Variants in AIF1L observed in about 807,000 individuals in gnomAD.
The protein encoded by AIF1L is allograft inflammatory factor 1-like.
A neutral mutation model predicts 20.7 loss-of-function variants in AIF1L; 12 were observed. The observed-to-expected ratio is 0.58, with a 90% confidence interval of 0.37 to 0.94. AIF1L has a LOEUF of 0.94. Among genes scored for constraint, AIF1L ranks in the 40% least tolerant of loss-of-function variants. The probability of loss-of-function intolerance (pLI) is 0.01; values close to 1 mark genes in which losing one functional copy is unlikely to be tolerated. For missense variants in AIF1L, 173 were observed against 185.3 expected (o/e 0.93, Z 0.39); for synonymous variants, 76 against 65.1 (o/e 1.17, Z -0.81).
chr9:131,110,378 G>A (rs1469079411), intron 2 of AIF1L, among the ~76,000 whole-genome samples: 1 of 152,098 alleles, frequency 6.6e-6, no homozygotes, highest in Admixed American at 6.6e-5. Context: ...CTGAAGGGAA[G>A]GCAGGCCAGA....
At chr9:131,115,171 C>G (rs555412192) in intron 4 of AIF1L, among the ~76,000 whole-genome samples, 13 of 152,088 alleles carry the variant, frequency 8.5e-5, no homozygotes, top group African/African-American at 3.1e-4. Context: ...TGAAATGGGC[C>G]GGGCGCCATG....
chr9:131,117,151 T>C (rs1318537156), intron 4 of AIF1L, among the ~76,000 whole-genome samples: 3 of 152,158 alleles, frequency 2.0e-5, no homozygotes, highest in Admixed American at 6.5e-5. Context: ...TTTTGTTGGT[T>C]TTCCTGCTCT....
At chr9:131,110,190 T>C (rs1451775111) in intron 2 of AIF1L, among the ~76,000 whole-genome samples, 7 of 152,144 alleles carry the variant, frequency 4.6e-5, no homozygotes, top group African/African-American at 1.7e-4. Context: ...CCAGCCTGGA[T>C]GACAGAGCAA....
intron 2 of AIF1L, among the ~76,000 whole-genome samples, chr9:131,101,187 C>T (rs1830633501): frequency 6.6e-6 from 1 of 152,118 alleles, no homozygotes; most frequent in African/African-American, 2.4e-5. Context: ...TGAACCACCA[C>T]ACCCGGCCAA....
At chr9:131,111,281 G>A (rs1012118390) in intron 2 of AIF1L, 37 of 293,124 alleles carry the variant, frequency 1.3e-4, no homozygotes, top group Admixed American at 3.2e-4. Flanking sequence ...ACAGCTTCTC[G>A]GATCTGAAGC....
intron 2 of AIF1L, among the ~76,000 whole-genome samples, chr9:131,101,809 C>T (rs1172241923): frequency 3.9e-5 from 6 of 152,108 alleles, no homozygotes; most frequent in Non-Finnish European, 1.5e-5. Flanking sequence ...TTGCTTATAT[C>T]GATAAGGATC....
At chr9:131,100,993 G>A (rs1037350822) in intron 2 of AIF1L, among the ~76,000 whole-genome samples, 2 of 152,140 alleles carry the variant, frequency 1.3e-5, no homozygotes, top group Admixed American at 6.5e-5. Context: ...CACCCCCTAA[G>A]TTTACGCGAT....
At chr9:131,111,757 G>A (rs1289104233) in intron 3 of AIF1L, 94 bp downstream of exon 3, 1 of 1,254,494 alleles carries the variant, frequency 8.0e-7, no homozygotes, top group Non-Finnish European at 1.1e-6. Context: ...CACAGGACTA[G>A]GCTGTGGCCC....
At chr9:131,100,185 G>A (rs1830606821) in intron 2 of AIF1L, among the ~76,000 whole-genome samples, 1 of 152,182 alleles carries the variant, frequency 6.6e-6, no homozygotes, top group Non-Finnish European at 1.5e-5. Context: ...GGGACTACAG[G>A]CATGTGCCCC....
chr9:131,117,380 A>C (rs1357792243), intron 4 of AIF1L, among the ~76,000 whole-genome samples: 1 of 152,218 alleles, frequency 6.6e-6, no homozygotes, highest in Non-Finnish European at 1.5e-5. Context: ...CAGAGCCCAC[A>C]GTCATGGTGT....
At chr9:131,108,069 G>A (rs1333991409) in intron 2 of AIF1L, 3 of 152,284 alleles carry the variant, frequency 2.0e-5, no homozygotes, top group Non-Finnish European at 4.4e-5. Flanking sequence ...GAGGCCTGGA[G>A]TGAGGCTGTG....
At chr9:131,110,793 G>A (rs947510820) in intron 2 of AIF1L, among the ~76,000 whole-genome samples, 3 of 151,684 alleles carry the variant, frequency 2.0e-5, no homozygotes, top group East Asian at 2.0e-4. Context: ...GTGAACCGCC[G>A]CACCTGGCCT....
chr9:131,107,423 G>A (rs780133389), intron 2 of AIF1L, among the ~76,000 whole-genome samples: 1 of 152,236 alleles, frequency 6.6e-6, no homozygotes, highest in Non-Finnish European at 1.5e-5. Flanking sequence ...GCTGAGGCAG[G>A]ATTTCTGGTC....
At chr9:131,099,658 G>T (rs1385633136) in intron 2 of AIF1L, among the ~76,000 whole-genome samples, 1 of 151,810 alleles carries the variant, frequency 6.6e-6, no homozygotes, top group African/African-American at 2.4e-5. Flanking sequence ...CCGATACCTA[G>T]TTCCCTTTGG....
chr9:131,103,530 C>T (rs993714227), intron 2 of AIF1L, among the ~76,000 whole-genome samples: 12 of 152,260 alleles, frequency 7.9e-5, no homozygotes, highest in South Asian at 4.1e-4. Flanking sequence ...TAATCCTTAC[C>T]GCAGGCCAGG....
intron 3 of AIF1L, 190 bp downstream of exon 3, chr9:131,111,853 TCCCTGC>T (rs1302942507): frequency 4.2e-5 from 22 of 522,796 alleles, no homozygotes; most frequent in Admixed American, 1.9e-4. Flanking sequence ...TCCACCTGCC[TCCCTGC>T]CCCTGCGGGC....
intron 2 of AIF1L, among the ~76,000 whole-genome samples, chr9:131,099,197 A>T (rs1164882834): frequency 4.6e-5 from 7 of 152,206 alleles, no homozygotes; most frequent in Non-Finnish European, 7.3e-5. Flanking sequence ...TCGTGGCCTC[A>T]AGGTGCAGGG....
At chr9:131,102,865 G>GCCA in intron 2 of AIF1L, 1 of 456,280 alleles carries the variant, frequency 2.2e-6, no homozygotes, top group Non-Finnish European at 4.4e-6. Flanking sequence ...CAAGGCCTGA[G>GCCA]CCACCAGCCC....
chr9:131,101,607 A>G (rs754760931), intron 2 of AIF1L, among the ~76,000 whole-genome samples: 5 of 152,004 alleles, frequency 3.3e-5, no homozygotes, highest in Non-Finnish European at 4.4e-5. Flanking sequence ...GGCCTCCCAG[A>G]GTGCTGAGAT....
Sources: gnomAD v4.1 joint callset for allele counts (sites outside exome capture counted in the v4.1 genomes callset) on GRCh38, gnomAD v4.1.1 for gene constraint, MANE v1.5 for transcripts, NCBI Gene and HGNC (gene_info 2026-07-23, HGNC 2026-07-21) for gene names.